The following BMP8A variants were observed in gnomAD, a reference collection of about 807,000 sequenced individuals.
The protein encoded by BMP8A is BMP-8A.
In BMP8A, 14 loss-of-function variants were observed where a neutral mutation model predicts 36.8. The observed-to-expected ratio is 0.38, with a 90% CI of 0.25 to 0.60. The LOEUF (loss-of-function observed/expected upper bound fraction) is 0.60. BMP8A is among the 20% of genes least tolerant of loss of function. The probability of loss-of-function intolerance (pLI) is 0.63; values close to 1 mark genes in which losing one functional copy is unlikely to be tolerated. For synonymous variants in BMP8A, 120 were observed against 237.7 expected, an observed-to-expected ratio of 0.50 and a Z score of 4.55; for missense variants, 267 against 551.1, an observed-to-expected ratio of 0.48 and a Z score of 5.16.
intron 1 of BMP8A, among the ~76,000 whole-genome samples, chr1:39,510,728 CGTCGGTTAT>C (rs1040859252): frequency 1.3e-5 from 2 of 152,236 alleles, no homozygotes; most frequent in African/African-American, 4.8e-5. Flanking sequence ...CCTGAGATGC[CGTCGGTTAT>C]GTCGGTTATG....
At chr1:39,514,714 C>T (rs1645381815) in intron 3 of BMP8A, among the ~76,000 whole-genome samples, 1 of 152,170 alleles carries the variant, frequency 6.6e-6, no homozygotes, top group South Asian at 2.1e-4. Flanking sequence ...GACCTCAGCT[C>T]TGTCCTGCGC....
chr1:39,503,390 G>A (rs1570283213), intron 1 of BMP8A, among the ~76,000 whole-genome samples: 1 of 151,674 alleles, frequency 6.6e-6, no homozygotes, highest in Non-Finnish European at 1.5e-5. Flanking sequence ...ATTGGCTCAT[G>A]TCTATGATCC....
chr1:39,517,497 T>TA (rs1384289568), intron 3 of BMP8A, among the ~76,000 whole-genome samples: 1 of 151,772 alleles, frequency 6.6e-6, no homozygotes, highest in Non-Finnish European at 1.5e-5. Flanking sequence ...TGTATATATA[T>TA]TTTTAACAGT....
intron 1 of BMP8A, among the ~76,000 whole-genome samples, chr1:39,507,761 A>G (rs1306686847): frequency 2.0e-5 from 3 of 152,320 alleles, no homozygotes; most frequent in South Asian, 2.1e-4. Context: ...TCGCTGGACC[A>G]TAACCAAGTA....
intron 3 of BMP8A, chr1:39,514,926 A>T (rs1011989878): frequency 1.3e-6 from 2 of 1,491,680 alleles, no homozygotes; most frequent in African/African-American, 3.0e-5. Flanking sequence ...GGCTCACACC[A>T]CTTGTCCTGG....
chr1:39,496,655 G>C (rs1393568143), intron 1 of BMP8A, among the ~76,000 whole-genome samples: 2 of 152,178 alleles, frequency 1.3e-5, no homozygotes, highest in African/African-American at 4.8e-5. Context: ...GTTTGAAAGA[G>C]AGGAGAGAGA....
chr1:39,492,360 T>C, intron 1 of BMP8A, 35 bp downstream of exon 1: 2 of 1,506,218 alleles, frequency 1.3e-6, no homozygotes, highest in Non-Finnish European at 8.8e-7. Flanking sequence ...ACCCTCGGAG[T>C]AAGCTGGCTG....
chr1:39,523,484 C>T, intron 6 of BMP8A: 3 of 1,296,420 alleles, frequency 2.3e-6, no homozygotes, highest in Non-Finnish European at 3.0e-6. Flanking sequence ...AACACACGGG[C>T]CCCCGAGTAC....
chr1:39,517,814 G>A (rs1204181727), intron 3 of BMP8A, among the ~76,000 whole-genome samples: 8 of 152,282 alleles, frequency 5.3e-5, no homozygotes, highest in African/African-American at 1.9e-4. Flanking sequence ...ACTGAGAGGG[G>A]AGAGGCTGCC....
At chr1:39,508,912 G>A (rs557918996) in intron 1 of BMP8A, among the ~76,000 whole-genome samples, 5 of 152,306 alleles carry the variant, frequency 3.3e-5, no homozygotes, top group Non-Finnish European at 4.4e-5. Flanking sequence ...GTGGTTTATC[G>A]ATTTCACAAG....
rs1309850555 is a variant in BMP8A at position 39,524,125 on chromosome 1, T to A, written c.1059+1008T>A. Among the ~76,000 whole-genome samples, 1 of 152,122 alleles carries A rather than the reference T, an allele frequency of 6.6e-6. No homozygotes were observed. Among genetic ancestry groups the A allele is most frequent in the Non-Finnish European group, 1.5e-5 (1 of 68,016 alleles). On this transcript the variant is annotated intron_variant, in intron 6 of 6. Transcript: ENST00000331593. This position sits in a 1 kb window ranked among gnomAD's most constrained non-coding sequence, Gnocchi z 4.0. ...GGTGTTTGCTGGACACCTGGAGCCA[T>A]CTCCTTGGAAAGGCCCAGGGGTGAT...
intron 6 of BMP8A, chr1:39,523,636 T>C: frequency 6.9e-7 from 1 of 1,449,450 alleles, no homozygotes; most frequent in Non-Finnish European, 9.1e-7. Context: ...GCAGTTTCTC[T>C]CTTGGCTGTC....
At chr1:39,501,530 G>A (rs1162443515) in intron 1 of BMP8A, among the ~76,000 whole-genome samples, 1 of 152,062 alleles carries the variant, frequency 6.6e-6, no homozygotes, top group Non-Finnish European at 1.5e-5. Context: ...TTGTTTGTTT[G>A]TTTGTTTTGT....
intron 1 of BMP8A, among the ~76,000 whole-genome samples, chr1:39,499,536 CT>C (rs778704659): frequency 3.3e-4 from 51 of 152,332 alleles, no homozygotes; most frequent in Admixed American, 2.0e-3. Flanking sequence ...AGCCAGAGCC[CT>C]TGTTGATGTC....
intron 1 of BMP8A, among the ~76,000 whole-genome samples, chr1:39,509,131 G>C (rs1250111565): frequency 6.6e-6 from 1 of 152,152 alleles, no homozygotes; most frequent in Non-Finnish European, 1.5e-5. Flanking sequence ...TGAGCCCCAG[G>C]ACCCACCCAG....
At chr1:39,525,338 C>T (rs1645471945) in intron 6 of BMP8A, among the ~76,000 whole-genome samples, 1 of 152,062 alleles carries the variant, frequency 6.6e-6, no homozygotes, top group South Asian at 2.1e-4. Context: ...GGTTCTCCTT[C>T]CCATTATCCC....
intron 1 of BMP8A, among the ~76,000 whole-genome samples, chr1:39,494,746 G>C (rs1215356438): frequency 1.3e-5 from 2 of 152,168 alleles, no homozygotes; most frequent in African/African-American, 4.8e-5. Flanking sequence ...GAGATTAAAT[G>C]GCCAGCCCAG....
At chr1:39,494,205 C>G (rs1645185232) in intron 1 of BMP8A, among the ~76,000 whole-genome samples, 1 of 152,228 alleles carries the variant, frequency 6.6e-6, no homozygotes, top group South Asian at 2.1e-4. Context: ...AACATCTCCA[C>G]ATGTCTTGTA....
rs1048093092 is a variant in BMP8A, at chr1:39,527,727, G to A, written c.*1929G>A. On this transcript the variant is annotated 3_prime_UTR_variant, in exon 7 of 7. Transcript: ENST00000331593. ...AGCTCAGCTAGCAGAGATTGGAAGA[G>A]GCAATGGCCTGAGTGTTAGGAGACA... Among the ~76,000 whole-genome samples the A allele has an allele frequency of 3.9e-5, 6 of 152,260 alleles. No individual in the cohort carries two copies. Among genetic ancestry groups the A allele is most frequent in the African/African-American group, 1.4e-4 (6 of 41,468 alleles).
Sources: allele counts gnomAD v4.1 joint callset (sites outside exome capture counted in the v4.1 genomes callset), GRCh38; gene constraint gnomAD v4.1.1; non-coding constraint Gnocchi (gnomAD v3.1); transcripts MANE v1.5; gene names NCBI Gene and HGNC (gene_info 2026-07-23, HGNC 2026-07-21).